The following TAS2R1 variants were observed in gnomAD, a reference collection of about 807,000 sequenced individuals.
TAS2R1 encodes the protein taste 2 receptor member 1.
For missense variants in TAS2R1, 370 were observed against 353.4 expected, an observed-to-expected ratio of 1.05 and a Z score of -0.38; for synonymous variants, 141 against 134.2, an observed-to-expected ratio of 1.05 and a Z score of -0.35.
chr5:9,855,715 C>CA, the TAS2R1 span, among the ~76,000 whole-genome samples: 36 of 152,182 alleles, frequency 2.4e-4, no homozygotes, highest in African/African-American at 8.4e-4. Context: ...AAGGCTGTGT[C>CA]AATGGTGACT....
At chr5:9,846,075 T>A in the TAS2R1 span, among the ~76,000 whole-genome samples, 14 of 152,228 alleles carry the variant, frequency 9.2e-5, no homozygotes, top group Admixed American at 3.3e-4. Flanking sequence ...ATAAACTATT[T>A]TTTAATAGTA....
chr5:9,848,942 T>C, the TAS2R1 span, among the ~76,000 whole-genome samples: 1 of 152,210 alleles, frequency 6.6e-6, no homozygotes, highest in Non-Finnish European at 1.5e-5. Context: ...GCATGGTTTA[T>C]GATGTTCCTA....
chr5:9,808,248 A>G, the TAS2R1 span, among the ~76,000 whole-genome samples: 2 of 152,200 alleles, frequency 1.3e-5, no homozygotes, highest in East Asian at 3.8e-4. Flanking sequence ...GTCACAGATG[A>G]AAACAAGGAA....
At chr5:9,653,279 C>A (rs1202370841) in intron 2 of TAS2R1, among the ~76,000 whole-genome samples, 2 of 151,942 alleles carry the variant, frequency 1.3e-5, no homozygotes, top group Non-Finnish European at 2.9e-5. Context: ...TTTTATCACC[C>A]ACGTTGTAGC....
At chr5:9,837,114 T>C in the TAS2R1 span, among the ~76,000 whole-genome samples, 68 of 152,322 alleles carry the variant, frequency 4.5e-4, 1 homozygote, top group Middle Eastern at 0.02. Context: ...CTGTAGAAGA[T>C]GAACCCAAAG....
At chr5:9,710,218 G>A (rs1741702119) in intron 1 of TAS2R1, among the ~76,000 whole-genome samples, 1 of 152,168 alleles carries the variant, frequency 6.6e-6, no homozygotes, top group South Asian at 2.1e-4. Context: ...ATGAGAGCAT[G>A]CACTCCAACT....
the TAS2R1 span, among the ~76,000 whole-genome samples, chr5:9,804,497 A>T: frequency 6.6e-6 from 1 of 152,198 alleles, no homozygotes; most frequent in Non-Finnish European, 1.5e-5. Flanking sequence ...GATAGGCCAC[A>T]AAACAAGTCT....
intron 2 of TAS2R1, among the ~76,000 whole-genome samples, chr5:9,652,099 A>G (rs1740317896): frequency 6.6e-6 from 1 of 152,232 alleles, no homozygotes; most frequent in Non-Finnish European, 1.5e-5. Context: ...TCACATGACT[A>G]CATATTATCA....
the TAS2R1 span, among the ~76,000 whole-genome samples, chr5:9,836,710 G>A: frequency 8.5e-5 from 13 of 152,246 alleles, no homozygotes; most frequent in South Asian, 2.1e-4. Flanking sequence ...AGTGATAACC[G>A]TTCCATAAAG....
the TAS2R1 span, among the ~76,000 whole-genome samples, chr5:9,858,295 G>A: frequency 1.3e-5 from 2 of 152,144 alleles, no homozygotes; most frequent in Non-Finnish European, 2.9e-5. Flanking sequence ...CTTAGGTTAT[G>A]GTGAGCCCAG....
the TAS2R1 span, among the ~76,000 whole-genome samples, chr5:9,799,713 C>G: frequency 6.6e-6 from 1 of 152,182 alleles, no homozygotes; most frequent in Non-Finnish European, 1.5e-5. Context: ...AGAAACATCT[C>G]CTGGCATCTT....
chr5:9,657,176 T>C (rs551917814), intron 2 of TAS2R1, among the ~76,000 whole-genome samples: 1 of 152,160 alleles, frequency 6.6e-6, no homozygotes, highest in African/African-American at 2.4e-5. Flanking sequence ...AAATTATGCA[T>C]GAGTTTTTTT....
At chr5:9,678,286 T>C (rs992316590) in intron 1 of TAS2R1, among the ~76,000 whole-genome samples, 1 of 152,140 alleles carries the variant, frequency 6.6e-6, no homozygotes, top group Admixed American at 6.6e-5. Context: ...AAACAACAGA[T>C]GCTGGTGAGT....
intron 1 of TAS2R1, among the ~76,000 whole-genome samples, chr5:9,697,137 C>G (rs968408982): frequency 8.6e-5 from 13 of 151,666 alleles, no homozygotes; most frequent in Admixed American, 6.6e-4. Context: ...GCAAGGGAAG[C>G]CTTTTAATTT....
chr5:9,650,091 AT>A (rs1254232239), intron 2 of TAS2R1, among the ~76,000 whole-genome samples: 2 of 152,164 alleles, frequency 1.3e-5, no homozygotes, highest in African/African-American at 4.8e-5. Flanking sequence ...AATAAAAGAC[AT>A]TTAGTGATTT....
chr5:9,804,302 T>C, the TAS2R1 span, among the ~76,000 whole-genome samples: 2 of 152,106 alleles, frequency 1.3e-5, no homozygotes, highest in African/African-American at 4.8e-5. Context: ...AGTGGGGGAC[T>C]TTAATACTCC....
At chr5:9,685,898 T>C (rs1266633239) in intron 1 of TAS2R1, among the ~76,000 whole-genome samples, 1 of 152,230 alleles carries the variant, frequency 6.6e-6, no homozygotes, top group East Asian at 1.9e-4. Flanking sequence ...GGAGCTTCGC[T>C]CTTGTCACCC....
At chr5:9,770,208 C>T in the TAS2R1 span, among the ~76,000 whole-genome samples, 4 of 152,038 alleles carry the variant, frequency 2.6e-5, no homozygotes, top group Non-Finnish European at 4.4e-5. Context: ...TTGTCCAAAA[C>T]GAGGTCATTG....
chr5:9,713,847 C>T (rs1302325265), upstream of TAS2R1: 1 of 152,172 alleles, frequency 6.6e-6, no homozygotes, highest in East Asian at 1.9e-4. Context: ...AACACTGGCT[C>T]ACAGCTACAA....
Sources: gnomAD v4.1 joint callset for allele counts (sites outside exome capture counted in the v4.1 genomes callset) on GRCh38, gnomAD v4.1.1 for gene constraint, MANE v1.5 for transcripts, NCBI Gene and HGNC (gene_info 2026-07-23, HGNC 2026-07-21) for gene names.